The following TRPC1 variants were observed in gnomAD, a reference collection of about 807,000 sequenced individuals.
TRPC1 encodes the protein transient receptor potential cation channel subfamily C member 1.
TRPC1 carries 42 observed loss-of-function variants against 88.2 expected under a neutral mutation model. That is an observed-to-expected ratio of 0.48 (90% CI 0.37 to 0.62). The LOEUF (loss-of-function observed/expected upper bound fraction) is 0.62, where lower values mean the gene tolerates loss of function less well. Among genes scored for constraint, TRPC1 ranks in the 20% least tolerant of loss-of-function variants. The pLI is 0.00. For synonymous variants in TRPC1, 288 were observed against 331.8 expected, an observed-to-expected ratio of 0.87 and a Z score of 1.43; for missense variants, 699 against 957.3, an observed-to-expected ratio of 0.73 and a Z score of 3.56.
At chr3:142,741,392 G>C (rs1174884861) in intron 2 of TRPC1, among the ~76,000 whole-genome samples, 1 of 151,888 alleles carries the variant, frequency 6.6e-6, no homozygotes, top group Admixed American at 6.6e-5. Context: ...ACTAAGTAAT[G>C]TATCTGAATA....
At chr3:142,734,709 G>A (rs938287518) in intron 1 of TRPC1, among the ~76,000 whole-genome samples, 1 of 151,940 alleles carries the variant, frequency 6.6e-6, no homozygotes, top group African/African-American at 2.4e-5. Flanking sequence ...AGGCCGAGGC[G>A]AGAGGATTGC....
At chr3:142,783,446 C>T (rs1023377871) in intron 6 of TRPC1, among the ~76,000 whole-genome samples, 3 of 152,202 alleles carry the variant, frequency 2.0e-5, no homozygotes, top group African/African-American at 7.2e-5. Flanking sequence ...TTCCCATATA[C>T]TTTAAAGTAT....
chr3:142,794,672 C>A (rs939971848), intron 9 of TRPC1, among the ~76,000 whole-genome samples: 2 of 152,048 alleles, frequency 1.3e-5, no homozygotes, highest in African/African-American at 4.8e-5. Context: ...GCAGTTGTCT[C>A]CCTTGAGTAT....
chr3:142,796,946 A>G (rs1199179988), intron 9 of TRPC1, among the ~76,000 whole-genome samples: 1 of 152,098 alleles, frequency 6.6e-6, no homozygotes, highest in Non-Finnish European at 1.5e-5. Context: ...AGAGAAACCT[A>G]AGGTTTATTA....
At chr3:142,728,163 G>A (rs1487576401) in intron 1 of TRPC1, among the ~76,000 whole-genome samples, 2 of 152,010 alleles carry the variant, frequency 1.3e-5, no homozygotes, top group African/African-American at 2.4e-5. Flanking sequence ...TCTGATGTGC[G>A]GTAAATGAGT....
chr3:142,743,732 A>G (rs1934436675), intron 3 of TRPC1, 146 bp downstream of exon 3: 1 of 482,874 alleles, frequency 2.1e-6, no homozygotes, highest in African/African-American at 2.0e-5. Flanking sequence ...TTAAAAGTGG[A>G]CACTTGCAGG....
chr3:142,768,456 T>G (rs1703099351), intron 4 of TRPC1, among the ~76,000 whole-genome samples: 1 of 152,146 alleles, frequency 6.6e-6, no homozygotes, highest in South Asian at 2.1e-4. Context: ...AACCCTTTAT[T>G]TTCAATATGC....
intron 4 of TRPC1, among the ~76,000 whole-genome samples, chr3:142,765,960 A>G (rs1440809113): frequency 6.6e-6 from 1 of 152,004 alleles, no homozygotes; most frequent in East Asian, 1.9e-4. Context: ...GCTCAATATC[A>G]CTGATCATTA....
At chr3:142,725,292 G>A (rs1268814084) in intron 1 of TRPC1, among the ~76,000 whole-genome samples, 1 of 152,198 alleles carries the variant, frequency 6.6e-6, no homozygotes, top group South Asian at 2.1e-4. Flanking sequence ...ATCCTAGGTG[G>A]AGATACATGA....
At chr3:142,763,702 C>G (rs1935269438) in intron 4 of TRPC1, among the ~76,000 whole-genome samples, 1 of 151,864 alleles carries the variant, frequency 6.6e-6, no homozygotes, top group Non-Finnish European at 1.5e-5. Context: ...TATGGACTTA[C>G]TGCAACCATT....
chr3:142,759,362 G>A (rs1235157177), intron 4 of TRPC1, among the ~76,000 whole-genome samples: 5 of 152,030 alleles, frequency 3.3e-5, no homozygotes, highest in Admixed American at 6.5e-5. Flanking sequence ...TTTAATGATC[G>A]CCATTCTAAC....
intron 1 of TRPC1, among the ~76,000 whole-genome samples, chr3:142,727,579 T>G (rs1377052947): frequency 6.6e-6 from 1 of 152,152 alleles, no homozygotes; most frequent in Non-Finnish European, 1.5e-5. Flanking sequence ...ATCTTCATAG[T>G]GGGTGAGGAT....
intron 4 of TRPC1, among the ~76,000 whole-genome samples, chr3:142,762,428 A>ATTTT (rs755194552): frequency 0.02 from 2,100 of 103,570 alleles, 89 homozygotes; most frequent in African/African-American, 0.063. Context: ...TTTATTCTTG[A>ATTTT]TTTTTTTTTT....
At chr3:142,737,037 A>G (rs2108022221) in intron 2 of TRPC1, among the ~76,000 whole-genome samples, 1 of 152,206 alleles carries the variant, frequency 6.6e-6, no homozygotes, top group Non-Finnish European at 1.5e-5. Context: ...TCTAAAGATG[A>G]ATGATTTTTA....
In TRPC1 at chr3:142,724,600, C is replaced by T; in HGVS notation, c.41C>T (p.Ala14Val). The change falls in exon 1 of 13, where the codon GCC (alanine) becomes GTC (valine). Residue 14 changes from alanine (A) to valine (V), a missense_variant. Physicochemically the swap from Ala to Val is moderately conservative, Grantham distance 64 (BLOSUM62 0). Coordinates refer to ENST00000476941, the MANE Select transcript of TRPC1 (RefSeq NM_001251845.2). This position sits in a 1 kb window ranked among gnomAD's most constrained non-coding sequence, Gnocchi z 5.6. ...TACCCGAGCACGGACCTCTCGGGCGCCTCCTCCTCCTCCCTGCCTTCCTCT... is the reference window on the plus strand; with the variant it reads ...TACCCGAGCACGGACCTCTCGGGCGTCTCCTCCTCCTCCCTGCCTTCCTCT... ...ALYPSTDLSG[A>V]SSSSLPSSPS... 1 of 1,595,474 alleles carries T rather than the reference C, an allele frequency of 6.3e-7. No individual in the cohort carries two copies. The highest frequency in any genetic ancestry group is 1.3e-5 in the African/African-American group (1 of 74,234).
chr3:142,748,356 A>G lies in TRPC1; in HGVS notation c.528A>G (p.Thr176=), dbSNP rs1934633172. Residue 176 remains threonine, a synonymous_variant, in exon 4 of 13, where the codon ACA becomes ACG. Transcript: ENST00000476941. ...AAHRNNYEIL[T]MLLKQDVSLP... ...ATCGTAACAACTATGAAATTCTTACAATGCTCTTAAAACAGGATGTATCTC... is the reference window on the plus strand; with the variant it reads ...ATCGTAACAACTATGAAATTCTTACGATGCTCTTAAAACAGGATGTATCTC... 6.2e-7 allele frequency: 1 copy of G among 1,613,996 alleles called. No individual in the cohort carries two copies. Among genetic ancestry groups the G allele is most frequent in the Admixed American group, 1.7e-5 (1 of 59,994 alleles).
intron 4 of TRPC1, among the ~76,000 whole-genome samples, chr3:142,774,725 T>C (rs554979878): frequency 6.6e-6 from 1 of 152,276 alleles, no homozygotes; most frequent in South Asian, 2.1e-4. Flanking sequence ...ATTTTTTTTT[T>C]GTGGAGGGGA....
At chr3:142,774,712 T>C (rs1295095190) in intron 4 of TRPC1, among the ~76,000 whole-genome samples, 3 of 151,570 alleles carry the variant, frequency 2.0e-5, no homozygotes, top group Admixed American at 1.3e-4. Context: ...TTCAGTTTTA[T>C]GTATTTTTTT....
chr3:142,732,025 TA>T (rs1184318389), intron 1 of TRPC1, among the ~76,000 whole-genome samples: 1 of 152,142 alleles, frequency 6.6e-6, no homozygotes, highest in East Asian at 1.9e-4. Flanking sequence ...CCACAAAGCT[TA>T]AAATATTTAC....
Sources: allele counts gnomAD v4.1 joint callset (sites outside exome capture counted in the v4.1 genomes callset), GRCh38; gene constraint gnomAD v4.1.1; non-coding constraint Gnocchi (gnomAD v3.1); transcripts MANE v1.5; gene names NCBI Gene and HGNC (gene_info 2026-07-23, HGNC 2026-07-21).